ZMYND8: variants seen among roughly 807,000 people sequenced by gnomAD.
The protein encoded by ZMYND8 is MYND-type zinc finger-containing chromatin reader ZMYND8.
In ZMYND8, 37 loss-of-function variants were observed where a neutral mutation model predicts 140.8. That is an observed-to-expected ratio of 0.26 (90% CI 0.20 to 0.35). The LOEUF is 0.35. Among genes scored for constraint, ZMYND8 ranks in the 10% least tolerant of loss-of-function variants. The probability of loss-of-function intolerance (pLI) is 1.00; values close to 1 mark genes in which losing one functional copy is unlikely to be tolerated. For synonymous variants in ZMYND8, 592 were observed against 597.1 expected (o/e 0.99, Z 0.12); for missense variants, 1,068 against 1,570.0 (o/e 0.68, Z 5.40).
intron 1 of ZMYND8, among the ~76,000 whole-genome samples, chr20:47,355,963 A>G (rs2083199573): frequency 2.6e-5 from 4 of 152,032 alleles, no homozygotes; most frequent in Admixed American, 2.0e-4. Flanking sequence ...TCAGGAAAAC[A>G]GGCTGAACAA....
At position 47,246,470 on chromosome 20, in the gene ZMYND8, C is replaced by T. The variant is rs568066631; in HGVS notation, c.1822G>A (p.Asp608Asn). 19 of 1,613,408 alleles carry T rather than the reference C, an allele frequency of 1.2e-5. 1 individual carries two copies. The South Asian group carries it at 1.5e-4, about 13-fold the overall frequency. Residue 608 changes from aspartate to asparagine, a missense_variant, in exon 14 of 23, where the codon GAT (aspartate) becomes AAT (asparagine). Asp to Asn is a conservative substitution (Grantham distance 23). Around this residue, in one of 10 missense-constraint regions of ZMYND8, gnomAD observed 383 missense variants for 431.2 expected, o/e 0.89. Transcript: ENST00000471951. The stretch of plus-strand genomic sequence containing the variant: ...TCTGACTTCTCAGAATCCTCCGAAT[C>T]GCTGTGCTCTACGGCCGTATAGACA... Reference protein sequence around the residue: ...EDVYTAVEHSDSEDSEKSDSS... With the variant: ...EDVYTAVEHSNSEDSEKSDSS...
chr20:47,220,203 C>T, intron 21 of ZMYND8, 55 bp downstream of exon 21: 1 of 1,447,910 alleles, frequency 6.9e-7, no homozygotes, highest in Non-Finnish European at 9.5e-7. Context: ...AAATGGCTCC[C>T]CATCTGCCCA....
At chr20:47,248,626 A>G (rs796664914) in intron 13 of ZMYND8, among the ~76,000 whole-genome samples, 11 of 152,368 alleles carry the variant, frequency 7.2e-5, no homozygotes, top group African/African-American at 2.6e-4. Context: ...AAATCCTCAT[A>G]AAACGGCCTC....
At chr20:47,312,269 G>C (rs2148238425) in intron 2 of ZMYND8, among the ~76,000 whole-genome samples, 1 of 152,318 alleles carries the variant, frequency 6.6e-6, no homozygotes, top group African/African-American at 2.4e-5. Context: ...TGACTTTCAT[G>C]AAAAGGCAAA....
In ZMYND8 at chr20:47,307,813, G is replaced by A. The variant is rs76229613; in HGVS notation, c.234+2243C>T. ...TTGCACTCCAACCTCAGCAACAAGA[G>A]TGAAACTCCATCTCAAATAAATAAG... On this transcript the variant is annotated intron_variant, in intron 3 of 22. Transcript: ENST00000471951. Among the ~76,000 whole-genome samples the A allele has an allele frequency of 1.3e-3, 204 of 151,914 alleles. 4 individuals carry two copies. The East Asian group carries it at 0.029, about 21-fold the overall frequency.
intron 12 of ZMYND8, among the ~76,000 whole-genome samples, chr20:47,252,324 AAAGAGTTCCAGTAGGC>A (rs2074258630): frequency 6.6e-6 from 1 of 150,824 alleles, no homozygotes; most frequent in African/African-American, 2.5e-5. Context: ...AGCCCAGATT[AAAGAGTTCCAGTAGGC>A]AGGACTCAAG....
At chr20:47,255,835 T>TACAC (rs375610073) in intron 12 of ZMYND8, among the ~76,000 whole-genome samples, 23 of 143,898 alleles carry the variant, frequency 1.6e-4, no homozygotes, top group African/African-American at 4.6e-4. Context: ...TATATATATA[T>TACAC]ACACACACAC....
intron 11 of ZMYND8, among the ~76,000 whole-genome samples, 198 bp from the exon 12 acceptor site, chr20:47,262,626 A>G (rs1473675599): frequency 3.9e-5 from 6 of 152,188 alleles, no homozygotes; most frequent in Non-Finnish European, 7.3e-5. Context: ...ACCGGATGTG[A>G]AACCGTTAAA....
Position 47,282,095 on chromosome 20 carries a change from C to T in ZMYND8, c.998+7G>A. ...CTACATGTTCCAAGCCTGTTATTAA[C>T]TCCCACCTGTCATGTTGTCCAAAGA... On this transcript the variant is annotated splice_region_variant and intron_variant, in intron 10 of 22. Coordinates refer to ENST00000471951, the MANE Select transcript of ZMYND8 (RefSeq NM_001281775.3). 1 of 1,610,538 alleles carries T rather than the reference C, an allele frequency of 6.2e-7. No homozygotes were observed. The highest frequency in any genetic ancestry group is 8.5e-7 in the Non-Finnish European group (1 of 1,178,270).
intron 3 of ZMYND8, among the ~76,000 whole-genome samples, chr20:47,300,594 T>A (rs2148076593): frequency 6.6e-6 from 1 of 152,356 alleles, no homozygotes; most frequent in East Asian, 1.9e-4. Flanking sequence ...ACATCAGTTT[T>A]GTCTTTTCCT....
At chr20:47,307,461 A>T (rs1427210939) in intron 3 of ZMYND8, among the ~76,000 whole-genome samples, 1 of 151,950 alleles carries the variant, frequency 6.6e-6, no homozygotes, top group South Asian at 2.1e-4. Flanking sequence ...TCCGTCTCAA[A>T]AAATAAATAA....
intron 11 of ZMYND8, among the ~76,000 whole-genome samples, chr20:47,266,240 A>T (rs2075512073): frequency 1.4e-5 from 2 of 138,096 alleles, no homozygotes. Flanking sequence ...TGGTGGCTCA[A>T]GGCCAAACAC....
chr20:47,272,187 C>G (rs1486468626), intron 11 of ZMYND8, among the ~76,000 whole-genome samples: 1 of 151,956 alleles, frequency 6.6e-6, no homozygotes, highest in Non-Finnish European at 1.5e-5. Flanking sequence ...AAGCAATTCT[C>G]TTGCCTCAGC....
intron 2 of ZMYND8, among the ~76,000 whole-genome samples, chr20:47,343,607 G>C (rs1012703772): frequency 6.6e-6 from 1 of 152,064 alleles, no homozygotes; most frequent in Non-Finnish European, 1.5e-5. Context: ...CGCCTCTCGG[G>C]TTCAAGTGAT....
intron 2 of ZMYND8, among the ~76,000 whole-genome samples, chr20:47,333,767 G>C (rs2081169906): frequency 6.8e-6 from 1 of 146,420 alleles, no homozygotes; most frequent in East Asian, 2.0e-4. Flanking sequence ...CATTAGCTGG[G>C]CGTGATGGTG....
At chr20:47,269,105 A>G (rs56077911) in intron 11 of ZMYND8, among the ~76,000 whole-genome samples, 1,812 of 152,296 alleles carry the variant, frequency 0.012, 14 homozygotes, top group Non-Finnish European at 0.022. Flanking sequence ...GGGCTGAGGC[A>G]AGAGAACTGC....
intron 2 of ZMYND8, among the ~76,000 whole-genome samples, chr20:47,336,826 T>TG (rs1457937036): frequency 6.6e-6 from 1 of 152,224 alleles, no homozygotes; most frequent in Non-Finnish European, 1.5e-5. Flanking sequence ...GCCATATTCC[T>TG]GCTGGTCAGC....
intron 5 of ZMYND8, among the ~76,000 whole-genome samples, chr20:47,293,085 TAGGG>T (rs200487886): frequency 2.4e-5 from 2 of 81,772 alleles, no homozygotes; most frequent in Non-Finnish European, 5.1e-5. Flanking sequence ...GGGAGGGAGG[TAGGG>T]AGGGAGGGAG....
intron 2 of ZMYND8, among the ~76,000 whole-genome samples, chr20:47,342,534 C>T (rs1204610365): frequency 7.7e-5 from 11 of 142,592 alleles, no homozygotes; most frequent in African/African-American, 2.4e-4. Flanking sequence ...GGAGACAGAG[C>T]GAGATTCTGT....
Sources: allele counts gnomAD v4.1 joint callset (sites outside exome capture counted in the v4.1 genomes callset), GRCh38; gene constraint gnomAD v4.1.1; regional missense constraint gnomAD v4.1.1; transcripts MANE v1.5; gene names NCBI Gene and HGNC (gene_info 2026-07-23, HGNC 2026-07-21).